The following ENPP2 variants were observed in gnomAD, a reference collection of about 807,000 sequenced individuals.
ENPP2 encodes the protein ectonucleotide pyrophosphatase/phosphodiesterase 2, also known as autotaxin.
A neutral mutation model predicts 120.2 loss-of-function variants in ENPP2; 51 were observed. The ratio of observed to expected loss-of-function variants is 0.42; its 90% CI spans 0.34 to 0.54. ENPP2 has a LOEUF of 0.54. Among genes scored for constraint, ENPP2 ranks in the 20% least tolerant of loss-of-function variants. ENPP2 has a pLI of 0.04. For synonymous variants in ENPP2, 365 were observed against 366.4 expected (o/e 1.00, Z 0.04); for missense variants, 920 against 1,066.5 (o/e 0.86, Z 1.91).
intron 9 of ENPP2, among the ~76,000 whole-genome samples, chr8:119,607,027 A>G (rs1249136158): frequency 6.6e-6 from 1 of 152,058 alleles, no homozygotes; most frequent in East Asian, 1.9e-4. Context: ...TCCCCCCATC[A>G]CTTCTTTAGG....
intron 1 of ENPP2, among the ~76,000 whole-genome samples, chr8:119,666,560 C>T (rs898113063): frequency 6.6e-6 from 1 of 152,126 alleles, no homozygotes; most frequent in Non-Finnish European, 1.5e-5. Context: ...GCGGGCAGAT[C>T]ACCCAAGGTC....
In ENPP2 at chr8:119,638,503, C is replaced by T. The variant is rs775542252; in HGVS notation, c.58G>A (p.Val20Ile). 4.6e-5 allele frequency: 74 copies of T among 1,603,470 alleles called. No homozygotes were observed. Among genetic ancestry groups the T allele is most frequent in the Non-Finnish European group, 6.2e-5 (72 of 1,170,402 alleles). ...AATCCTAAGCAGATATTGACTCCAACGGCAAAAGTGAACAGGGATATTATC... is the reference window on the plus strand; with the variant it reads ...AATCCTAAGCAGATATTGACTCCAATGGCAAAAGTGAACAGGGATATTATC... The part of the protein sequence containing the change: ...CQIISLFTFA[V>I]GVNICLGFTA... The change falls in exon 2 of 25, where the codon GTT (valine) becomes ATT (isoleucine). Residue 20 changes from valine to isoleucine, a missense_variant. Val to Ile is a conservative substitution (Grantham distance 29, BLOSUM62 3). Transcript: ENST00000075322.
At chr8:119,600,637 AG>A in intron 11 of ENPP2, 40 bp downstream of exon 11, 1 of 1,258,714 alleles carries the variant, frequency 7.9e-7, no homozygotes, top group Non-Finnish European at 1.2e-6. Context: ...CAGGTAGCCC[AG>A]GGCCACAGAT....
chr8:119,559,164 C>A (rs1403010503), intron 24 of ENPP2, among the ~76,000 whole-genome samples: 1 of 152,146 alleles, frequency 6.6e-6, no homozygotes, highest in African/African-American at 2.4e-5. Flanking sequence ...TAACTCTACC[C>A]ACAATGGTAC....
At chr8:119,598,348 T>G (rs1242801855) in intron 11 of ENPP2, among the ~76,000 whole-genome samples, 2 of 152,174 alleles carry the variant, frequency 1.3e-5, no homozygotes, top group Non-Finnish European at 2.9e-5. Context: ...GAAAATACCC[T>G]AGCTGCAAGA....
At chr8:119,656,236 A>T (rs1208495856) in intron 1 of ENPP2, among the ~76,000 whole-genome samples, 1 of 152,146 alleles carries the variant, frequency 6.6e-6, no homozygotes, top group Non-Finnish European at 1.5e-5. Flanking sequence ...GAACTGATAA[A>T]AATTCAGAAA....
intron 19 of ENPP2, chr8:119,571,435 G>A (rs886989984): frequency 2.6e-5 from 4 of 152,194 alleles, no homozygotes; most frequent in African/African-American, 9.7e-5. Flanking sequence ...GGTCTTCTAA[G>A]TACAGAAGAG....
In ENPP2 at chr8:119,638,529, TA is replaced by T; in HGVS notation, c.34-3del. On this transcript the variant is annotated splice_region_variant and splice_polypyrimidine_tract_variant and intron_variant, in intron 1 of 24. Transcript: ENST00000075322. The stretch of plus-strand genomic sequence containing the variant: ...GGCAAAAGTGAACAGGGATATTATC[TA>T]AGAGAATAAAGAGACCAAGTTGTCA... 6.5e-7 allele frequency: 1 copy of T among 1,546,416 alleles called. No individual in the cohort carries two copies. The highest frequency in any genetic ancestry group is 8.9e-7 in the Non-Finnish European group (1 of 1,118,234).
At chr8:119,631,961 T>C (rs1816712760) in intron 2 of ENPP2, among the ~76,000 whole-genome samples, 1 of 152,228 alleles carries the variant, frequency 6.6e-6, no homozygotes, top group African/African-American at 2.4e-5. Flanking sequence ...AGGAGAACGA[T>C]GTTAAATGTC....
At chr8:119,607,882 C>T (rs762038496) in intron 9 of ENPP2, 40 bp downstream of exon 9, 25 of 1,217,334 alleles carry the variant, frequency 2.1e-5, no homozygotes, top group Admixed American at 4.3e-5. Flanking sequence ...TGAATCATAG[C>T]TGTCATTTTA....
chr8:119,632,805 C>T (rs560571115), intron 2 of ENPP2, among the ~76,000 whole-genome samples: 27 of 152,316 alleles, frequency 1.8e-4, no homozygotes, highest in African/African-American at 6.0e-4. Flanking sequence ...CACGGTGGCT[C>T]ACGCCTGTAA....
At chr8:119,642,932 A>G (rs1039978629), upstream of ENPP2, among the ~76,000 whole-genome samples, 12 of 151,784 alleles carry the variant, frequency 7.9e-5, no homozygotes, top group Non-Finnish European at 1.5e-4. Context: ...GAAGTAATTA[A>G]TTGTCATGAA....
At chr8:119,658,292 CAG>C (rs915923266) in intron 1 of ENPP2, among the ~76,000 whole-genome samples, 2 of 152,136 alleles carry the variant, frequency 1.3e-5, no homozygotes, top group East Asian at 1.9e-4. Context: ...TTCTTTTAGG[CAG>C]AGTCTCAGCT....
intron 11 of ENPP2, chr8:119,595,846 C>A: frequency 3.1e-6 from 5 of 1,613,816 alleles, no homozygotes; most frequent in Non-Finnish European, 4.2e-6. Context: ...GATAAACTTA[C>A]TTTGTCCTGA....
chr8:119,646,998 C>CTTT (rs528326819), intron 1 of ENPP2, among the ~76,000 whole-genome samples: 136 of 140,124 alleles, frequency 9.7e-4, no homozygotes, highest in African/African-American at 3.5e-3. Flanking sequence ...TAATCTCTCT[C>CTTT]TTTTTTTTTT....
intron 2 of ENPP2, among the ~76,000 whole-genome samples, chr8:119,632,671 C>G (rs1179986713): frequency 6.6e-6 from 1 of 152,222 alleles, no homozygotes; most frequent in Non-Finnish European, 1.5e-5. Flanking sequence ...TTATTTCATT[C>G]AAATTCATAA....
At chr8:119,560,193 T>C (rs1393096243) in intron 24 of ENPP2, among the ~76,000 whole-genome samples, 1 of 152,200 alleles carries the variant, frequency 6.6e-6, no homozygotes, top group Non-Finnish European at 1.5e-5. Context: ...ACCTTTGTAG[T>C]CTTTTCATCT....
rs367907952 is a variant in ENPP2, at chr8:119,630,052, G to A, written c.137-3332C>T. Among the ~76,000 whole-genome samples, 60 of 152,080 alleles carry A rather than the reference G, an allele frequency of 3.9e-4. 1 individual carries two copies. The East Asian group carries it at 7.3e-3, about 19-fold the overall frequency. On this transcript the variant is annotated intron_variant, in intron 2 of 24. Coordinates refer to ENST00000075322, the MANE Select transcript of ENPP2 (RefSeq NM_001040092.3). ...ATGTGCGGTGTTCCTGCATGCATTTGAAATTGTCCTGCAACCACGCGCCTT... is the reference window on the plus strand; with the variant it reads ...ATGTGCGGTGTTCCTGCATGCATTTAAAATTGTCCTGCAACCACGCGCCTT...
chr8:119,582,107 C>T lies in ENPP2; in HGVS notation c.1728+311G>A, dbSNP rs1812790254. ...GGACCATGACTAATAGACATGTGAT[C>T]CACAGTTGAAGAAAACAGAAAAAGA... On this transcript the variant is annotated intron_variant, in intron 18 of 24. Transcript: ENST00000075322. Among the ~76,000 whole-genome samples the T allele has an allele frequency of 2.0e-5, 3 of 152,180 alleles. No individual in the cohort carries two copies. The South Asian group carries it at 6.2e-4, about 32-fold the overall frequency.
Sources: allele counts gnomAD v4.1 joint callset (sites outside exome capture counted in the v4.1 genomes callset), GRCh38; gene constraint gnomAD v4.1.1; transcripts MANE v1.5; gene names NCBI Gene and HGNC (gene_info 2026-07-23, HGNC 2026-07-21).